MSN: variants seen among roughly 807,000 people sequenced by gnomAD.
MSN encodes moesin.
In MSN, 2 loss-of-function variants were observed where a neutral mutation model predicts 48.0. The ratio of observed to expected loss-of-function variants is 0.04; its 90% CI spans 0.02 to 0.13. MSN has a LOEUF of 0.13. Among genes scored for constraint, MSN ranks in the 10% least tolerant of loss-of-function variants. The pLI is 1.00. For missense variants in MSN, 267 were observed against 470.1 expected, an observed-to-expected ratio of 0.57 and a Z score of 3.99; for synonymous variants, 146 against 166.9, an observed-to-expected ratio of 0.87 and a Z score of 0.97.
intron 1 of MSN, among the ~76,000 whole-genome samples, chrX:65,631,095 CTT>C (rs754602575): frequency 3.0e-5 from 3 of 100,112 alleles, no homozygotes; most frequent in Admixed American, 1.1e-4. Context: ...TATCCTGCTT[CTT>C]TTTTTTTTTT....
intron 1 of MSN, among the ~76,000 whole-genome samples, chrX:65,619,215 C>T (rs1343979338): frequency 9.8e-6 from 1 of 102,231 alleles, no homozygotes; most frequent in East Asian, 3.0e-4. Flanking sequence ...GGAGTATCTT[C>T]GTGGCATTCT....
intron 1 of MSN, among the ~76,000 whole-genome samples, chrX:65,685,126 G>T (rs1290564083): frequency 8.9e-6 from 1 of 112,290 alleles, no homozygotes; most frequent in Non-Finnish European, 1.9e-5. Context: ...ATGAGGATTT[G>T]TCTGTCTGAG....
At chrX:65,599,572 G>T (rs1178819564) in intron 1 of MSN, among the ~76,000 whole-genome samples, 1 of 112,756 alleles carries the variant, frequency 8.9e-6, no homozygotes, top group African/African-American at 3.2e-5. Flanking sequence ...GGCGGAGGTT[G>T]CAGTGAGCCG....
rs749624016 is a variant in MSN, at chrX:65,597,520, A to AT, written c.-22+8916dup. 6.5e-5 allele frequency among the ~76,000 whole-genome samples: 7 copies of AT among 106,879 alleles called. No individual in the cohort carries two copies. The South Asian group carries it at 2.0e-3, about 31-fold the overall frequency. The allele number at this position is 106,879 out of a possible 115,157, so 92.8% of individuals were successfully genotyped here. On this transcript the variant is annotated intron_variant, in intron 1 of 3. Coordinates refer to the MSN transcript ENST00000609672. ...CAACACCATGCCCAGCTAATTTTTA[A>AT]TTTTTTTTGTAGAGATGGGGTTTTG...
At chrX:65,708,550 C>T (rs762249663) in intron 1 of MSN, among the ~76,000 whole-genome samples, 89 of 111,554 alleles carry the variant, frequency 8.0e-4, no homozygotes, top group Non-Finnish European at 1.0e-3. Flanking sequence ...ACATTGGCCT[C>T]TCAAAGTGCG....
intron 1 of MSN, among the ~76,000 whole-genome samples, chrX:65,607,560 A>T (rs2070288147): frequency 9.0e-6 from 1 of 111,599 alleles, no homozygotes; most frequent in South Asian, 3.7e-4. Flanking sequence ...TGTATTCATG[A>T]TATCATAGAA....
chrX:65,722,706 A>T (rs988095362), intron 2 of MSN, among the ~76,000 whole-genome samples: 1 of 111,066 alleles, frequency 9.0e-6, no homozygotes, highest in Non-Finnish European at 1.9e-5. Context: ...AGGATGAGCC[A>T]CTGCGCCCGG....
Position 65,595,593 on chromosome X carries a change from A to T in MSN, c.-22+6981A>T, listed in dbSNP as rs547262475. On this transcript the variant is annotated intron_variant, in intron 1 of 3. Transcript: ENST00000609672. ...TAGCGGTTGCTACAGCAAGTGGTCTAGTTGGGCCTGCACTTCCAAGTCAGA... is the reference window on the plus strand; with the variant it reads ...TAGCGGTTGCTACAGCAAGTGGTCTTGTTGGGCCTGCACTTCCAAGTCAGA... 2.1e-4 allele frequency among the ~76,000 whole-genome samples: 24 copies of T among 111,996 alleles called. No homozygotes were observed. In the Middle Eastern group the frequency reaches 0.019, roughly 87 times the overall value.
intron 1 of MSN, among the ~76,000 whole-genome samples, chrX:65,670,341 A>T (rs772635006): frequency 8.9e-6 from 1 of 111,947 alleles, no homozygotes; most frequent in Non-Finnish European, 1.9e-5. Flanking sequence ...TCGTTCATTC[A>T]TATTGCAGCA....
chrX:65,712,801 A>G (rs1022969920), intron 1 of MSN, among the ~76,000 whole-genome samples: 1 of 111,564 alleles, frequency 9.0e-6, no homozygotes, highest in Admixed American at 9.6e-5. Context: ...TGGCTGTACT[A>G]TATACATTAT....
chrX:65,658,905 C>A (rs1305164151), intron 1 of MSN, among the ~76,000 whole-genome samples: 1 of 104,015 alleles, frequency 9.6e-6, no homozygotes, highest in African/African-American at 3.6e-5. Context: ...AGTGCAATGG[C>A]GCAACCTTGG....
At chrX:65,650,935 A>G in intron 1 of MSN, among the ~76,000 whole-genome samples, 1 of 111,105 alleles carries the variant, frequency 9.0e-6, no homozygotes. Flanking sequence ...AAATCCTCAC[A>G]CTGCATCACT....
At chrX:65,669,594 G>A (rs940919434) in intron 1 of MSN, among the ~76,000 whole-genome samples, 3 of 111,199 alleles carry the variant, frequency 2.7e-5, no homozygotes, top group African/African-American at 9.8e-5. Flanking sequence ...AGTCAGGCCT[G>A]GAGTAATGAG....
intron 1 of MSN, among the ~76,000 whole-genome samples, chrX:65,688,076 G>A (rs777166756): frequency 1.8e-5 from 2 of 111,902 alleles, no homozygotes; most frequent in South Asian, 3.7e-4. Flanking sequence ...CTCTTGACAG[G>A]TTGGCTGGCA....
intron 1 of MSN, among the ~76,000 whole-genome samples, chrX:65,620,994 C>T (rs1002859443): frequency 2.8e-5 from 3 of 106,599 alleles, no homozygotes; most frequent in East Asian, 5.9e-4. Flanking sequence ...GGTGTGATCT[C>T]GGCTCACGGC....
intron 1 of MSN, among the ~76,000 whole-genome samples, chrX:65,678,083 C>T (rs1453037061): frequency 9.0e-6 from 1 of 111,222 alleles, no homozygotes; most frequent in Non-Finnish European, 1.9e-5. Flanking sequence ...AAGGCTTCCT[C>T]CCTGCAACGT....
At chrX:65,597,331 G>A (rs773198294) in intron 1 of MSN, among the ~76,000 whole-genome samples, 4 of 108,524 alleles carry the variant, frequency 3.7e-5, no homozygotes, top group Non-Finnish European at 7.6e-5. Context: ...TTACAGATGT[G>A]AGCCACCTGG....
rs747054324 is a variant in MSN at position 65,727,926 on chromosome X, C to T, written c.192+17C>T. ...AATAAGAAGGTAACTGCTTATTCCTCTGTTGGATTTAGAATTCTTTTCTTT... is the reference window on the plus strand; with the variant it reads ...AATAAGAAGGTAACTGCTTATTCCTTTGTTGGATTTAGAATTCTTTTCTTT... On this transcript the variant is annotated intron_variant, in intron 3 of 12. Coordinates refer to ENST00000360270, the MANE Select transcript of MSN (RefSeq NM_002444.3). 19 of 1,168,238 alleles carry T rather than the reference C, an allele frequency of 1.6e-5. No individual in the cohort carries two copies. The Admixed American group carries it at 3.5e-4, about 22-fold the overall frequency.
intron 1 of MSN, among the ~76,000 whole-genome samples, chrX:65,618,221 G>T (rs992617715): frequency 2.7e-5 from 3 of 111,469 alleles, no homozygotes; most frequent in African/African-American, 9.8e-5. Flanking sequence ...TGTCTATTAG[G>T]TCCGCTTGGT....
Sources: gnomAD v4.1 joint callset for allele counts (sites outside exome capture counted in the v4.1 genomes callset) on GRCh38, gnomAD v4.1.1 for gene constraint, MANE v1.5 for transcripts, NCBI Gene and HGNC (gene_info 2026-07-23, HGNC 2026-07-21) for gene names.